CIBAR1: variants seen among roughly 807,000 people sequenced by gnomAD.
CIBAR1 encodes CBY1 interacting BAR domain containing 1.
Under a neutral mutation model 44.0 loss-of-function variants are expected in CIBAR1, and 25 were observed. That is an observed-to-expected ratio of 0.57 (90% CI 0.41 to 0.79). CIBAR1 has a LOEUF of 0.79. Among genes scored for constraint, CIBAR1 ranks in the 30% least tolerant of loss-of-function variants. CIBAR1 has a pLI of 0.00. For missense variants in CIBAR1, 278 were observed against 344.8 expected (o/e 0.81, Z 1.53); for synonymous variants, 115 against 119.0 (o/e 0.97, Z 0.22).
At chr8:93,705,120 A>G (rs2130289967) in intron 4 of CIBAR1, 110 bp downstream of exon 4, 2 of 703,598 alleles carry the variant, frequency 2.8e-6, no homozygotes, top group Non-Finnish European at 4.8e-6. Flanking sequence ...GAATTTGAAT[A>G]TAAAGATTGA....
At chr8:93,709,670 C>T in intron 5 of CIBAR1, 101 bp from the exon 6 acceptor site, 4 of 887,960 alleles carry the variant, frequency 4.5e-6, no homozygotes, top group Non-Finnish European at 7.4e-6. Flanking sequence ...ACTGTTATGC[C>T]AAAAAGCCAG....
intron 3 of CIBAR1, 91 bp downstream of exon 3, chr8:93,703,779 T>C: frequency 8.8e-7 from 1 of 1,131,966 alleles, no homozygotes; most frequent in Non-Finnish European, 1.2e-6. Context: ...AAATACAAAG[T>C]AGTGGCCAAG....
intron 4 of CIBAR1, 29 bp downstream of exon 4, chr8:93,705,039 A>G (rs1810523641): frequency 6.6e-7 from 1 of 1,504,404 alleles, no homozygotes; most frequent in South Asian, 1.1e-5. Context: ...TCTTTAAAAA[A>G]ATGTTTAAGG....
At chr8:93,723,134 C>T (rs1229845732) in intron 7 of CIBAR1, among the ~76,000 whole-genome samples, 1 of 152,182 alleles carries the variant, frequency 6.6e-6, no homozygotes, top group Admixed American at 6.5e-5. Context: ...CTAGCTGGGA[C>T]TACAGGCACC....
At chr8:93,700,828 G>A in intron 1 of CIBAR1, 155 bp downstream of exon 1, 1 of 1,321,324 alleles carries the variant, frequency 7.6e-7, no homozygotes, top group Non-Finnish European at 9.6e-7. Flanking sequence ...AATTCCTTGG[G>A]CTGCAGCCAC....
At chr8:93,716,295 C>T (rs1392962461) in intron 6 of CIBAR1, among the ~76,000 whole-genome samples, 2 of 151,772 alleles carry the variant, frequency 1.3e-5, no homozygotes, top group East Asian at 1.9e-4. Context: ...CCACCTGCCT[C>T]GGCCTCCCAA....
intron 4 of CIBAR1, chr8:93,707,125 A>T: frequency 3.5e-6 from 1 of 283,450 alleles, no homozygotes; most frequent in Non-Finnish European, 7.0e-6. Context: ...CATTTAATAT[A>T]CTGATATCTG....
At chr8:93,700,816 C>A in intron 1 of CIBAR1, 143 bp downstream of exon 1, 5 of 1,330,190 alleles carry the variant, frequency 3.8e-6, no homozygotes, top group Non-Finnish European at 4.8e-6. Context: ...GACCTGGGGC[C>A]TAATTCCTTG....
chr8:93,700,611 G>A lies in CIBAR1; in HGVS notation c.-37G>A. 6.8e-7 allele frequency: 1 copy of A among 1,479,530 alleles called. No homozygotes were observed. Among genetic ancestry groups the A allele is most frequent in the African/African-American group, 1.5e-5 (1 of 68,344 alleles). The allele number at this position is 1,479,530 out of a possible 1,614,324, so 91.7% of individuals were successfully genotyped here. A position where few individuals can be genotyped will look rare whatever the true frequency, so the allele number is the denominator to read the frequency against. On this transcript the variant is annotated 5_prime_UTR_variant, in exon 1 of 9. Transcript: ENST00000518322. Reference sequence around the variant, plus strand: ...CAGGCGCCTTGGAATCCCCGTCCTTGGGCCCCCGCAAGGTCCCCGGCCGTG... The same window carrying A: ...CAGGCGCCTTGGAATCCCCGTCCTTAGGCCCCCGCAAGGTCCCCGGCCGTG...
Position 93,709,823 on chromosome 8 carries a change from A to C in CIBAR1, c.491A>C (p.His164Pro). 1.2e-6 allele frequency: 2 copies of C among 1,613,440 alleles called. No homozygotes were observed. The highest frequency in any genetic ancestry group is 1.7e-6 in the Non-Finnish European group (2 of 1,179,778). ...AAMDASRTSR[H>P]LEETINNFER... ...ATGGATGCTAGCCGAACAAGTCGTC[A>C]TCTGGAGGAAACTATTAACAACTTT... is the stretch of plus-strand genomic sequence containing the variant. Residue 164 changes from histidine to proline, a missense_variant, in exon 6 of 9, where the codon CAT becomes CCT. By Grantham distance (77) the His-to-Pro change is moderately conservative. Transcript: ENST00000518322.
chr8:93,729,729 T>G lies in CIBAR1; in HGVS notation c.*1432T>G, dbSNP rs998973566. 6.6e-6 allele frequency: 1 copy of G among 152,166 alleles called. No individual in the cohort carries two copies. Among genetic ancestry groups the G allele is most frequent in the Non-Finnish European group, 1.5e-5 (1 of 68,020 alleles). The allele number at this position is 152,166 out of a possible 1,614,324, so 9.4% of individuals were successfully genotyped here. A position where few individuals can be genotyped will look rare whatever the true frequency, so the allele number is the denominator to read the frequency against. ...GTTATTCTTCGTGGGTTTAGGCAAA[T>G]TCAAGACTATTATACAGGTAACTAT... is the stretch of plus-strand genomic sequence containing the variant. On this transcript the variant is annotated 3_prime_UTR_variant, in exon 9 of 9. Coordinates refer to ENST00000518322, the MANE Select transcript of CIBAR1 (RefSeq NM_145269.5).
chr8:93,725,154 T>A (rs968380931), intron 7 of CIBAR1, among the ~76,000 whole-genome samples: 1 of 151,864 alleles, frequency 6.6e-6, no homozygotes, highest in African/African-American at 2.4e-5. Flanking sequence ...GGCTGATTGT[T>A]TTTTTGTTTG....
chr8:93,727,189 A>G (rs749490972), intron 8 of CIBAR1: 10 of 1,288,734 alleles, frequency 7.8e-6, no homozygotes, highest in South Asian at 7.4e-5. Flanking sequence ...CCCTTTTCAT[A>G]TCTAGCCTTC....
intron 6 of CIBAR1, among the ~76,000 whole-genome samples, chr8:93,718,398 AT>A (rs1811113225): frequency 6.6e-6 from 1 of 152,234 alleles, no homozygotes; most frequent in Admixed American, 6.5e-5. Flanking sequence ...TTATGTTATT[AT>A]AAATGTCAAT....
Position 93,701,472 on chromosome 8 carries a change from TCA to T in CIBAR1, c.261+17_261+18del. On this transcript the variant is annotated intron_variant, in intron 2 of 8. Transcript: ENST00000518322. ...CGACAAGCAGAGGTATGGAGTGAGATCACAGTGTCATTGTTATGAATGAGCCA... is the reference window on the plus strand; with the variant it reads ...CGACAAGCAGAGGTATGGAGTGAGATCAGTGTCATTGTTATGAATGAGCCA... 1 of 1,604,670 alleles carries T rather than the reference TCA, an allele frequency of 6.2e-7. No individual in the cohort carries two copies. Among genetic ancestry groups the T allele is most frequent in the Non-Finnish European group, 8.5e-7 (1 of 1,173,752 alleles).
At chr8:93,700,712 TG>T in intron 1 of CIBAR1, 39 bp downstream of exon 1, 1 of 1,486,862 alleles carries the variant, frequency 6.7e-7, no homozygotes, top group Admixed American at 2.4e-5. Flanking sequence ...CCGCCCACAC[TG>T]GAGGGCTGGG....
intron 6 of CIBAR1, among the ~76,000 whole-genome samples, chr8:93,713,049 T>TC (rs772981092): frequency 2.3e-3 from 346 of 148,890 alleles, no homozygotes; most frequent in Non-Finnish European, 3.4e-3. Flanking sequence ...TTTTTTTTTT[T>TC]CGAGACAGAT....
At chr8:93,711,309 G>A (rs1405889235) in intron 6 of CIBAR1, among the ~76,000 whole-genome samples, 1 of 152,014 alleles carries the variant, frequency 6.6e-6, no homozygotes, top group Non-Finnish European at 1.5e-5. Flanking sequence ...TCCTTCATAA[G>A]CTATATTCTT....
chr8:93,707,177 T>A, intron 4 of CIBAR1: 2 of 397,174 alleles, frequency 5.0e-6, no homozygotes, highest in Non-Finnish European at 1.0e-5. Flanking sequence ...CCAAAGCATT[T>A]CCTACTCAAG....
Sources: allele counts gnomAD v4.1 joint callset (sites outside exome capture counted in the v4.1 genomes callset), GRCh38; gene constraint gnomAD v4.1.1; transcripts MANE v1.5; gene names NCBI Gene and HGNC (gene_info 2026-07-23, HGNC 2026-07-21).